The following SIK3 variants were observed in gnomAD, a reference collection of about 807,000 sequenced individuals.
SIK3 encodes serine/threonine-protein kinase SIK3.
In SIK3, 28 loss-of-function variants were observed where a neutral mutation model predicts 144.2. The ratio of observed to expected loss-of-function variants is 0.19; its 90% confidence interval spans 0.14 to 0.27. The LOEUF (loss-of-function observed/expected upper bound fraction) is 0.27, where lower values mean the gene tolerates loss of function less well. Among genes scored for constraint, SIK3 ranks in the 10% least tolerant of loss-of-function variants. The probability of loss-of-function intolerance (pLI) is 1.00; values close to 1 mark genes in which losing one functional copy is unlikely to be tolerated. For synonymous variants in SIK3, 686 were observed against 676.3 expected (o/e 1.01, Z -0.22); for missense variants, 1,319 against 1,776.0 (o/e 0.74, Z 4.62).
intron 1 of SIK3, among the ~76,000 whole-genome samples, chr11:116,998,010 C>A (rs1387497955): frequency 1.3e-5 from 2 of 152,090 alleles, no homozygotes; most frequent in East Asian, 1.9e-4. Context: ...CAGGTGCACA[C>A]CACCCAGTAA....
chr11:116,853,437 A>T (rs372464826), intron 21 of SIK3, among the ~76,000 whole-genome samples: 1 of 152,214 alleles, frequency 6.6e-6, no homozygotes, highest in East Asian at 1.9e-4. Flanking sequence ...AAGCTAAGAG[A>T]GTGCAGAGGT....
chr11:117,019,273 G>T (rs1425608396), intron 1 of SIK3, among the ~76,000 whole-genome samples: 2 of 151,998 alleles, frequency 1.3e-5, no homozygotes, highest in Non-Finnish European at 2.9e-5. Context: ...ACCCACCTCA[G>T]CCTCCCAAAG....
In SIK3 at chr11:116,870,381, A is replaced by G. The variant is rs1214092186; in HGVS notation, c.1758T>C (p.Pro586=). ...CCCCGTCTGAGCTCTCCTCGTCCACAGGGGTAACTGCTGGCACTGCCTGAA... is the reference window on the plus strand; with the variant it reads ...CCCCGTCTGAGCTCTCCTCGTCCACGGGGGTAACTGCTGGCACTGCCTGAA... ...TMTPAVPAVT[P]VDEESSDGEP... is the part of the protein sequence containing the mutation. Residue 586 remains proline, a synonymous_variant, in exon 14 of 25, where the codon CCT becomes CCC. Coordinates refer to ENST00000445177, the MANE Select transcript of SIK3 (RefSeq NM_001366686.3). 6.2e-6 allele frequency: 10 copies of G among 1,612,542 alleles called. No homozygotes were observed. Among genetic ancestry groups the G allele is most frequent in the Non-Finnish European group, 8.5e-6 (10 of 1,180,004 alleles).
intron 4 of SIK3, among the ~76,000 whole-genome samples, chr11:116,921,583 G>A (rs1020392): frequency 0.073 from 11,129 of 151,884 alleles, 738 homozygotes; most frequent in African/African-American, 0.18. Context: ...TGTTGCCCCA[G>A]GTCTCAAAAT....
chr11:117,048,042 A>G (rs1241540275), intron 1 of SIK3, among the ~76,000 whole-genome samples: 1 of 152,146 alleles, frequency 6.6e-6, no homozygotes, highest in African/African-American at 2.4e-5. Context: ...CATTTATTTA[A>G]ATAAGACTAA....
rs910851848 is a variant in SIK3 at position 116,966,845 on chromosome 11, CA to C, written c.274-9782del. ...TGAAACCCCGTCTCTACTAAAAATA[CA>C]AAAAAAAAATTAGCCAAGCATGGTG... is the stretch of plus-strand genomic sequence containing the variant. On this transcript the variant is annotated intron_variant, in intron 1 of 24. Transcript: ENST00000445177. Among the ~76,000 whole-genome samples, 184 of 146,132 alleles carry C rather than the reference CA, an allele frequency of 1.3e-3. 1 individual carries two copies. Among genetic ancestry groups the C allele is most frequent in the African/African-American group, 3.6e-3 (142 of 39,966 alleles).
At chr11:116,855,099 A>AAAAAAAC (rs1555067381) in intron 21 of SIK3, among the ~76,000 whole-genome samples, 6 of 146,628 alleles carry the variant, frequency 4.1e-5, no homozygotes, top group African/African-American at 1.2e-4. Flanking sequence ...AAAAAAAAAA[A>AAAAAAAC]AAAAAAAAAA....
rs138580018 is a variant in SIK3, at chr11:116,946,803, C to T, written c.454+7241G>A. Among the ~76,000 whole-genome samples, 558 of 152,204 alleles carry T rather than the reference C, an allele frequency of 3.7e-3. 3 individuals are homozygous for T. Among genetic ancestry groups the T allele is most frequent in the African/African-American group, 0.013 (533 of 41,522 alleles). On this transcript the variant is annotated intron_variant, in intron 3 of 24. Transcript: ENST00000445177. ...CCACTTCTTTAACATCTGTCTCCAC[C>T]TCTGCCATTTTATTAATATTTCCCT...
intron 1 of SIK3, among the ~76,000 whole-genome samples, chr11:117,012,634 T>C (rs1951310204): frequency 6.6e-6 from 1 of 152,088 alleles, no homozygotes; most frequent in Non-Finnish European, 1.5e-5. Context: ...ATAGAAACAA[T>C]CCTTCTCACT....
At chr11:117,091,200 C>CTTTTTTT (rs386375011) in intron 1 of SIK3, among the ~76,000 whole-genome samples, 22 of 93,002 alleles carry the variant, frequency 2.4e-4, no homozygotes, top group Non-Finnish European at 3.3e-4. Context: ...TTTTTTTTTT[C>CTTTTTTT]TTTTTTTTTT....
chr11:116,931,323 T>C (rs530701691), intron 3 of SIK3, among the ~76,000 whole-genome samples: 2 of 152,346 alleles, frequency 1.3e-5, no homozygotes, highest in East Asian at 3.9e-4. Context: ...TGTGGTACAT[T>C]TAGGTTCTGA....
intron 3 of SIK3, among the ~76,000 whole-genome samples, chr11:116,942,508 C>A (rs1368607462): frequency 2.0e-5 from 3 of 151,892 alleles, no homozygotes; most frequent in African/African-American, 4.8e-5. Flanking sequence ...ATGATAAAAA[C>A]CAAAAAGAAA....
intron 1 of SIK3, among the ~76,000 whole-genome samples, chr11:117,070,741 C>T (rs1044145926): frequency 4.0e-5 from 6 of 149,132 alleles, no homozygotes; most frequent in African/African-American, 7.6e-5. Flanking sequence ...CCACTGCGCC[C>T]GGCCCTTTTT....
chr11:117,004,534 C>T (rs773662833), intron 1 of SIK3, among the ~76,000 whole-genome samples: 1 of 151,924 alleles, frequency 6.6e-6, no homozygotes, highest in African/African-American at 2.4e-5. Flanking sequence ...AAAAAAAGAA[C>T]AACGTTATTT....
chr11:116,938,617 GGAGGGGAGGAGAGGA>G (rs546078908), intron 3 of SIK3, among the ~76,000 whole-genome samples: 7,923 of 28,650 alleles, frequency 0.28, 642 homozygotes, highest in Admixed American at 0.33. Context: ...AGAGGAGAGG[GGAGGGGAGGAGAGGA>G]GAGGAGAGGA....
At chr11:116,941,731 T>A (rs1948316556) in intron 3 of SIK3, among the ~76,000 whole-genome samples, 1 of 152,216 alleles carries the variant, frequency 6.6e-6, no homozygotes, top group South Asian at 2.1e-4. Context: ...CTTAAATTAG[T>A]AATTTGTTTT....
chr11:117,088,675 T>C (rs1955119557), intron 1 of SIK3, among the ~76,000 whole-genome samples: 1 of 152,148 alleles, frequency 6.6e-6, no homozygotes, highest in Non-Finnish European at 1.5e-5. Flanking sequence ...TAGGTATTTT[T>C]CTTTGGTCCT....
chr11:117,012,548 C>T (rs1951308107), intron 1 of SIK3, among the ~76,000 whole-genome samples: 1 of 152,160 alleles, frequency 6.6e-6, no homozygotes, highest in Non-Finnish European at 1.5e-5. Flanking sequence ...CTAAAAATGA[C>T]CTGTACTTTG....
At chr11:116,884,412 A>G (rs1242997088) in intron 6 of SIK3, among the ~76,000 whole-genome samples, 4 of 147,058 alleles carry the variant, frequency 2.7e-5, no homozygotes, top group Non-Finnish European at 5.9e-5. Flanking sequence ...TAGCAGTGCG[A>G]TCTCGGCTCA....
Sources: gnomAD v4.1 joint callset for allele counts (sites outside exome capture counted in the v4.1 genomes callset) on GRCh38, gnomAD v4.1.1 for gene constraint, MANE v1.5 for transcripts, NCBI Gene and HGNC (gene_info 2026-07-23, HGNC 2026-07-21) for gene names.